The following DYRK4 variants were observed in gnomAD, a reference collection of about 807,000 sequenced individuals.
The protein encoded by DYRK4 is dual specificity tyrosine phosphorylation regulated kinase 4, also known as dual specificity tyrosine-phosphorylation-regulated kinase 4.
A neutral mutation model predicts 68.3 loss-of-function variants in DYRK4; 64 were observed. That is an observed-to-expected ratio of 0.94 (90% CI 0.77 to 1.15). The LOEUF is 1.15. Among genes scored for constraint, DYRK4 ranks in the 50% most tolerant of loss-of-function variants. The pLI, the probability that DYRK4 is intolerant of heterozygous loss-of-function variation, is 0.00. For missense variants in DYRK4, 740 were observed against 764.7 expected, an observed-to-expected ratio of 0.97 and a Z score of 0.38; for synonymous variants, 274 against 289.9, an observed-to-expected ratio of 0.95 and a Z score of 0.56.
chr12:4,601,326 C>G (rs61909652), intron 10 of DYRK4, among the ~76,000 whole-genome samples: 3,179 of 152,284 alleles, frequency 0.021, 47 homozygotes, highest in Non-Finnish European at 0.031. Flanking sequence ...ACATTTCACT[C>G]TAAACCTTCA....
In DYRK4 at chr12:4,612,681, G is replaced by A. The variant is rs745445112; in HGVS notation, c.1629G>A (p.Lys543=). 3 of 1,614,118 alleles carry A rather than the reference G, an allele frequency of 1.9e-6. No individual in the cohort carries two copies. The highest frequency in any genetic ancestry group is 1.7e-6 in the Non-Finnish European group (2 of 1,180,010). Residue 543 remains lysine, a synonymous_variant, in exon 14 of 15, where the codon AAG becomes AAA. Transcript: ENST00000543431. ...SNSFFPSETR[K]DKVQGCHHSS... ...CCTTTTTCCCCTCTGAGACAAGGAA[G>A]GACAAGGTTCAAGGCTGTCATCACT...
At chr12:4,603,160 C>T (rs552345801) in intron 10 of DYRK4, 65 of 1,328,866 alleles carry the variant, frequency 4.9e-5, no homozygotes, top group Admixed American at 3.4e-4. Context: ...GTTGAATACT[C>T]GGTACCGAAA....
chr12:4,594,992 A>G (rs937842150), intron 6 of DYRK4, among the ~76,000 whole-genome samples: 8 of 152,258 alleles, frequency 5.3e-5, no homozygotes, highest in Non-Finnish European at 1.0e-4. Context: ...TTTTTGCTTC[A>G]AGTAACCATA....
At chr12:4,582,359 G>A (rs567516526) in intron 2 of DYRK4, among the ~76,000 whole-genome samples, 12 of 152,326 alleles carry the variant, frequency 7.9e-5, no homozygotes, top group South Asian at 2.1e-4. Flanking sequence ...CTGGAGAATC[G>A]CTTGAACCTG....
chr12:4,606,292 G>A (rs12231655), intron 11 of DYRK4, among the ~76,000 whole-genome samples: 126 of 114,398 alleles, frequency 1.1e-3, no homozygotes, highest in African/African-American at 4.4e-3. Flanking sequence ...CTGGCTGGCT[G>A]GCTATCTATC....
At chr12:4,584,300 C>T (rs144228024) in intron 2 of DYRK4, among the ~76,000 whole-genome samples, 2 of 152,138 alleles carry the variant, frequency 1.3e-5, no homozygotes, top group African/African-American at 4.8e-5. Flanking sequence ...TCAGTAAATG[C>T]GTTAAGAATG....
intron 2 of DYRK4, chr12:4,572,768 A>G (rs1009683073): frequency 6.5e-6 from 1 of 154,128 alleles, no homozygotes; most frequent in Non-Finnish European, 1.4e-5. Flanking sequence ...AGAGAATGTG[A>G]GCTCTCCGGC....
intron 1 of DYRK4, among the ~76,000 whole-genome samples, chr12:4,566,725 G>T (rs574653075): frequency 6.6e-6 from 1 of 152,382 alleles, no homozygotes; most frequent in African/African-American, 2.4e-5. Flanking sequence ...GAAGGAAGAA[G>T]TGAAACTATG....
At chr12:4,602,507 C>T (rs375089197) in intron 10 of DYRK4, 6 of 1,310,438 alleles carry the variant, frequency 4.6e-6, no homozygotes, top group Admixed American at 1.7e-5. Context: ...ACAAGTCTTG[C>T]GGTTGAGTGG....
At chr12:4,588,706 C>A (rs1944922564) in intron 2 of DYRK4, among the ~76,000 whole-genome samples, 2 of 152,158 alleles carry the variant, frequency 1.3e-5, no homozygotes, top group Admixed American at 1.3e-4. Flanking sequence ...AGCATGAAAA[C>A]CATAGGCCAA....
At chr12:4,599,266 TTGAC>T in intron 9 of DYRK4, 100 bp downstream of exon 9, 1 of 1,083,628 alleles carries the variant, frequency 9.2e-7, no homozygotes, top group Non-Finnish European at 1.3e-6. Context: ...ATAATTGCCT[TTGAC>T]TTTTTTTTTT....
intron 2 of DYRK4, 95 bp downstream of exon 2, chr12:4,568,143 T>C: frequency 5.1e-6 from 6 of 1,186,428 alleles, no homozygotes; most frequent in Non-Finnish European, 5.9e-6. Flanking sequence ...CCCAAGCACC[T>C]CTGGGTACAG....
chr12:4,613,742 C>A lies in DYRK4; in HGVS notation c.1894C>A (p.Pro632Thr). The change falls in exon 15 of 15, where the codon CCT becomes ACT. Residue 632 changes from proline to threonine, a missense_variant. Pro to Thr is a conservative substitution (Grantham distance 38). Around this residue, in one of 3 missense-constraint regions of DYRK4, gnomAD observed 614 missense variants for 603.7 expected, o/e 1.02. Transcript: ENST00000543431. The surrounding 1 kb of genome is among the most constrained non-coding windows in gnomAD (Gnocchi z 4.0). Reference sequence around the variant, plus strand: ...CCTCAAGAACACAAACGTTTTACCCCCTATTGTATGACCTTTGCTGAGGGT... The same window carrying A: ...CCTCAAGAACACAAACGTTTTACCCACTATTGTATGACCTTTGCTGAGGGT... ...FSLKNTNVLP[P>T]IV is the part of the protein sequence containing the mutation. The A allele has an allele frequency of 6.4e-7, 1 of 1,563,490 alleles. No homozygotes were observed. The highest frequency in any genetic ancestry group is 1.8e-5 in the Admixed American group (1 of 56,336).
chr12:4,607,202 G>T, intron 11 of DYRK4, 125 bp from the exon 12 acceptor site: 2 of 1,050,860 alleles, frequency 1.9e-6, no homozygotes, highest in South Asian at 1.5e-5. Flanking sequence ...CTGACCAGAT[G>T]TTATTACTTA....
chr12:4,595,907 C>G (rs920440259), intron 6 of DYRK4, among the ~76,000 whole-genome samples: 12 of 152,246 alleles, frequency 7.9e-5, no homozygotes, highest in Non-Finnish European at 1.6e-4. Flanking sequence ...CTTTGTGCTG[C>G]TTGACATGGA....
chr12:4,596,415 C>A, intron 7 of DYRK4, 130 bp downstream of exon 7: 2 of 1,520,476 alleles, frequency 1.3e-6, no homozygotes, highest in Non-Finnish European at 1.8e-6. Context: ...CTCTTTCTAC[C>A]CGTCTGATTC....
intron 1 of DYRK4, chr12:4,567,237 A>T (rs1479987931): frequency 6.6e-6 from 1 of 152,228 alleles, no homozygotes; most frequent in Non-Finnish European, 1.5e-5. Context: ...AGAAGCTGTC[A>T]TAATATTTGC....
rs150726529 is a variant in DYRK4, at chr12:4,591,293, C to T, written c.458C>T (p.Ala153Val). Residue 153 changes from alanine (A) to valine (V), a missense_variant, in exon 5 of 15, where the codon GCG becomes GTG. Physicochemically the swap from Ala to Val is moderately conservative, Grantham distance 64. Coordinates refer to ENST00000543431, the MANE Select transcript of DYRK4 (RefSeq NM_001394779.1). The surrounding 1 kb of genome is among the most constrained non-coding windows in gnomAD (Gnocchi z 4.1). ...SPKKQKVTLTAAEALKLFKNQ... is the reference protein window; with the variant it reads ...SPKKQKVTLTVAEALKLFKNQ... ...AAGAAGCAAAAGGTGACTCTGACAGCGGCAGGTATGCCTTTGGGGCAGTAG... is the reference window on the plus strand; with the variant it reads ...AAGAAGCAAAAGGTGACTCTGACAGTGGCAGGTATGCCTTTGGGGCAGTAG... 3.3e-5 allele frequency: 54 copies of T among 1,613,726 alleles called. No individual in the cohort carries two copies. Among genetic ancestry groups the T allele is most frequent in the Admixed American group, 5.0e-5 (3 of 59,960 alleles).
At chr12:4,574,391 A>G (rs915172767) in intron 2 of DYRK4, among the ~76,000 whole-genome samples, 4 of 152,052 alleles carry the variant, frequency 2.6e-5, no homozygotes, top group Admixed American at 2.6e-4. Context: ...TAAACTATGT[A>G]TTGGCTCATT....
Sources: gnomAD v4.1 joint callset for allele counts (sites outside exome capture counted in the v4.1 genomes callset) on GRCh38, gnomAD v4.1.1 for gene constraint, gnomAD v4.1.1 regional missense constraint, Gnocchi (gnomAD v3.1) non-coding constraint, MANE v1.5 for transcripts, NCBI Gene and HGNC (gene_info 2026-07-23, HGNC 2026-07-21) for gene names.